CD160: variants seen among roughly 807,000 people sequenced by gnomAD.
CD160 encodes CD160 molecule.
A neutral mutation model predicts 19.2 loss-of-function variants in CD160; 11 were observed. That is an observed-to-expected ratio of 0.57 (90% CI 0.36 to 0.95). The LOEUF (loss-of-function observed/expected upper bound fraction) is 0.95, where lower values mean the gene tolerates loss of function less well. CD160 is among the 40% of genes least tolerant of loss of function. The probability of loss-of-function intolerance (pLI) is 0.01; values close to 1 mark genes in which losing one functional copy is unlikely to be tolerated. For missense variants in CD160, 182 were observed against 213.2 expected, an observed-to-expected ratio of 0.85 and a Z score of 0.91; for synonymous variants, 75 against 81.1, an observed-to-expected ratio of 0.93 and a Z score of 0.40.
At position 145,722,767 on chromosome 1, in the gene CD160, A is replaced by T. The variant is rs587661453; in HGVS notation, c.-178-2034A>T. On this transcript the variant is annotated intron_variant, in intron 1 of 5. Transcript: ENST00000369288. Reference sequence around the variant, plus strand: ...CCACCACGCCCGGCTAATTTTTTGTATTTTTTTTAGTAGAGATGGGGTTTC... The same window carrying T: ...CCACCACGCCCGGCTAATTTTTTGTTTTTTTTTTAGTAGAGATGGGGTTTC... Among the ~76,000 whole-genome samples the T allele has an allele frequency of 4.0e-5, 6 of 151,104 alleles. No individual in the cohort carries two copies. In the South Asian group the frequency reaches 1.3e-3, roughly 32 times the overall value.
chr1:145,723,511 T>C, intron 1 of CD160, among the ~76,000 whole-genome samples: 1 of 152,346 alleles, frequency 6.6e-6, no homozygotes. Context: ...TATAATTACA[T>C]AACATTCTAT....
chr1:145,737,682 A>C (rs1193468249), intron 5 of CD160: 2 of 149,800 alleles, frequency 1.3e-5, no homozygotes, highest in Non-Finnish European at 3.0e-5. Context: ...AAAATTATAA[A>C]GGGGAAATTG....
At chr1:145,720,730 C>G (rs1553707691) in intron 1 of CD160, among the ~76,000 whole-genome samples, 1 of 152,158 alleles carries the variant, frequency 6.6e-6, no homozygotes, top group Non-Finnish European at 1.5e-5. Flanking sequence ...AAACCTCTGG[C>G]AAAGCTTTAT....
At chr1:145,721,805 C>T (rs1553707844) in intron 1 of CD160, among the ~76,000 whole-genome samples, 5 of 152,202 alleles carry the variant, frequency 3.3e-5, no homozygotes. Context: ...ACTATGAAGG[C>T]CTAACTTCAT....
chr1:145,734,651 C>T (rs181839282), intron 4 of CD160, among the ~76,000 whole-genome samples: 9 of 152,302 alleles, frequency 5.9e-5, no homozygotes, highest in African/African-American at 2.2e-4. Context: ...AAATCCTGTT[C>T]TCCTAATATA....
At chr1:145,730,672 A>G in intron 3 of CD160, 72 bp from the exon 4 acceptor site, 1 of 1,251,254 alleles carries the variant, frequency 8.0e-7, no homozygotes, top group Non-Finnish European at 1.1e-6. Flanking sequence ...ACTTCTAGTG[A>G]TAAGGAGCAG....
At chr1:145,722,887 C>A (rs1259136373) in intron 1 of CD160, among the ~76,000 whole-genome samples, 1 of 152,214 alleles carries the variant, frequency 6.6e-6, no homozygotes, top group Non-Finnish European at 1.5e-5. Flanking sequence ...AGACACCGCG[C>A]CCGGCGCCAC....
chr1:145,738,475 T>C lies in CD160; in HGVS notation c.539-11T>C. 1.5e-6 allele frequency: 2 copies of C among 1,323,448 alleles called. No individual in the cohort carries two copies. Among genetic ancestry groups the C allele is most frequent in the Non-Finnish European group, 2.0e-6 (2 of 1,025,584 alleles). The allele number at this position is 1,323,448 out of a possible 1,614,324, so 82.0% of individuals were successfully genotyped here. A position where few individuals can be genotyped will look rare whatever the true frequency, so the allele number is the denominator to read the frequency against. ...AGTTATAAGGCAGTAATACAAACTT[T>C]CTTTCCACAGCTTTGTAAGCCTTGT... On this transcript the variant is annotated splice_polypyrimidine_tract_variant and intron_variant, in intron 5 of 5. Coordinates refer to ENST00000369288, the MANE Select transcript of CD160 (RefSeq NM_007053.4).
In CD160 at chr1:145,738,553, A is replaced by C. The variant is rs587771158; in HGVS notation, c.*60A>C. 209 of 1,143,274 alleles carry C rather than the reference A, an allele frequency of 1.8e-4. No individual in the cohort carries two copies. Among genetic ancestry groups the C allele is most frequent in the Non-Finnish European group, 6.9e-6 (6 of 866,674 alleles). The allele number at this position is 1,143,274 out of a possible 1,614,324, so 70.8% of individuals were successfully genotyped here. A position where few individuals can be genotyped will look rare whatever the true frequency, so the allele number is the denominator to read the frequency against. ...AGCAAGATGAGTCTGACTATGGCTT[A>C]GTATCTTTCTCATTACAATAGGCAC... On this transcript the variant is annotated 3_prime_UTR_variant, in exon 6 of 6. Coordinates refer to ENST00000369288, the MANE Select transcript of CD160 (RefSeq NM_007053.4).
Position 145,730,942 on chromosome 1 carries a change from T to C in CD160, c.272T>C (p.Ile91Thr), listed in dbSNP as rs1553709123. The C allele has an allele frequency of 1.2e-6, 2 of 1,613,822 alleles. No individual in the cohort carries two copies. Among genetic ancestry groups the C allele is most frequent in the African/African-American group, 2.7e-5 (2 of 74,902 alleles). Residue 91 changes from isoleucine to threonine, a missense_variant, in exon 4 of 6, where the codon ATA (isoleucine) becomes ACA (threonine). Coordinates refer to ENST00000369288, the MANE Select transcript of CD160 (RefSeq NM_007053.4). ...RDPGIDGVGEISSQLMFTISQ... is the reference protein window; with the variant it reads ...RDPGIDGVGETSSQLMFTISQ... The stretch of plus-strand genomic sequence containing the variant: ...CCTGGGATAGATGGTGTTGGTGAAA[T>C]ATCATCTCAGTTGATGTTCACCATA...
rs939114284 is a variant in CD160, at chr1:145,739,123, T to C, written c.*630T>C. On this transcript the variant is annotated 3_prime_UTR_variant, in exon 6 of 6. Coordinates refer to ENST00000369288, the MANE Select transcript of CD160 (RefSeq NM_007053.4). ...AAATACTTGTTAACCTCTTTGGTCATTTCTCTTTTTAAATAAATGCCCATA... is the reference window on the plus strand; with the variant it reads ...AAATACTTGTTAACCTCTTTGGTCACTTCTCTTTTTAAATAAATGCCCATA... 6 of 152,340 alleles carry C rather than the reference T, an allele frequency of 3.9e-5. No individual in the cohort carries two copies. Among genetic ancestry groups the C allele is most frequent in the Admixed American group, 2.0e-4 (3 of 15,280 alleles). The allele number at this position is 152,340 out of a possible 1,614,324, so 9.4% of individuals were successfully genotyped here. A position where few individuals can be genotyped will look rare whatever the true frequency, so the allele number is the denominator to read the frequency against.
chr1:145,720,430 G>A (rs1296109444), intron 1 of CD160, among the ~76,000 whole-genome samples: 1 of 152,176 alleles, frequency 6.6e-6, no homozygotes, highest in African/African-American at 2.4e-5. Context: ...CAGGAAGCCT[G>A]AGATCTCAGA....
At chr1:145,731,601 C>T (rs911912166) in intron 4 of CD160, among the ~76,000 whole-genome samples, 4 of 152,142 alleles carry the variant, frequency 2.6e-5, no homozygotes, top group Admixed American at 1.3e-4. Flanking sequence ...ACCTGGGAGG[C>T]GGAGGTTGCA....
At chr1:145,732,355 G>C (rs1183040604) in intron 4 of CD160, among the ~76,000 whole-genome samples, 1 of 152,096 alleles carries the variant, frequency 6.6e-6, no homozygotes, top group Non-Finnish European at 1.5e-5. Flanking sequence ...CCATAAAGGG[G>C]ATAAAATGAC....
chr1:145,730,637 G>A, intron 3 of CD160, 107 bp from the exon 4 acceptor site: 1 of 842,900 alleles, frequency 1.2e-6, no homozygotes, highest in Non-Finnish European at 1.9e-6. Flanking sequence ...CTACTGCCAG[G>A]TTCTGCTTCA....
chr1:145,737,743 T>C (rs1361196939), intron 5 of CD160: 5 of 118,838 alleles, frequency 4.2e-5, no homozygotes, highest in Non-Finnish European at 6.5e-5. Context: ...TCCCAAGTCA[T>C]CCTAGAGCAA....
rs1553710597 is a variant in CD160, at chr1:145,738,628, A to C, written c.*135A>C. 1.9e-6 allele frequency: 1 copy of C among 533,564 alleles called. No homozygotes were observed. Among genetic ancestry groups the C allele is most frequent in the Non-Finnish European group, 3.1e-6 (1 of 321,344 alleles). The allele number at this position is 533,564 out of a possible 1,614,324, so 33.1% of individuals were successfully genotyped here. A position where few individuals can be genotyped will look rare whatever the true frequency, so the allele number is the denominator to read the frequency against. Reference sequence around the variant, plus strand: ...GGGAAGAGATGCTAAATATACCAAGAATCTGTGGAAATATAAGCTGGGGCA... The same window carrying C: ...GGGAAGAGATGCTAAATATACCAAGCATCTGTGGAAATATAAGCTGGGGCA... On this transcript the variant is annotated 3_prime_UTR_variant, in exon 6 of 6. Coordinates refer to ENST00000369288, the MANE Select transcript of CD160 (RefSeq NM_007053.4).
chr1:145,720,010 GA>G (rs1219595107), intron 1 of CD160, among the ~76,000 whole-genome samples: 2 of 152,124 alleles, frequency 1.3e-5, no homozygotes, highest in South Asian at 2.1e-4. Context: ...GAATTGGGGG[GA>G]AAAATACATC....
chr1:145,725,692 C>T lies in CD160; in HGVS notation c.-73+786C>T, dbSNP rs970331801. Among the ~76,000 whole-genome samples the T allele has an allele frequency of 3.3e-5, 5 of 151,990 alleles. No homozygotes were observed. In the East Asian group the frequency reaches 7.7e-4, roughly 23 times the overall value. The stretch of plus-strand genomic sequence containing the variant: ...GTATATTCCTTAACATAATAAAATA[C>T]ATCTCATTCTCAAAGCTACTATAAT... On this transcript the variant is annotated intron_variant, in intron 2 of 5. Transcript: ENST00000369288.
Sources: gnomAD v4.1 joint callset for allele counts (sites outside exome capture counted in the v4.1 genomes callset) on GRCh38, gnomAD v4.1.1 for gene constraint, MANE v1.5 for transcripts, NCBI Gene and HGNC (gene_info 2026-07-23, HGNC 2026-07-21) for gene names.